NDEL1: variants seen among roughly 807,000 people sequenced by gnomAD.
NDEL1 encodes the protein nudE neurodevelopment protein 1 like 1, also known as nuclear distribution protein nudE-like 1.
Under a neutral mutation model 45.7 loss-of-function variants are expected in NDEL1, and 9 were observed. The observed-to-expected ratio is 0.20, with a 90% confidence interval of 0.12 to 0.34. The LOEUF is 0.34. Among genes scored for constraint, NDEL1 ranks in the 10% least tolerant of loss-of-function variants. The probability of loss-of-function intolerance (pLI) is 1.00; values close to 1 mark genes in which losing one functional copy is unlikely to be tolerated. For synonymous variants in NDEL1, 133 were observed against 158.6 expected (o/e 0.84, Z 1.21); for missense variants, 306 against 406.2 (o/e 0.75, Z 2.12).
At position 8,460,143 on chromosome 17, in the gene NDEL1, ATCTT is replaced by A; in HGVS notation, c.932_935del (p.Phe311SerfsTer6). On this transcript the variant is annotated frameshift_variant, in exon 8 of 9. Coordinates refer to ENST00000334527, the MANE Select transcript of NDEL1 (RefSeq NM_030808.5). LOFTEE classifies it high-confidence loss of function. ...CAAAGTTCTCTCGATCAGGGCATAC[ATCTT>A]TCTTCGACAAAGGGTAAGTCCTGAA... 1 of 1,612,898 alleles carries A rather than the reference ATCTT, an allele frequency of 6.2e-7. No homozygotes were observed. Among genetic ancestry groups the A allele is most frequent in the Non-Finnish European group, 8.5e-7 (1 of 1,179,630 alleles).
At chr17:8,458,783 G>T (rs936396753) in intron 7 of NDEL1, among the ~76,000 whole-genome samples, 2 of 152,176 alleles carry the variant, frequency 1.3e-5, no homozygotes, top group Admixed American at 6.5e-5. Context: ...CTGTAGTGCA[G>T]TGGTGCTATC....
chr17:8,444,959 A>C (rs1909987662), intron 2 of NDEL1: 1 of 152,228 alleles, frequency 6.6e-6, no homozygotes, highest in African/African-American at 2.4e-5. Context: ...AACAGAGTTT[A>C]CTAAGTCTTA....
upstream of NDEL1, chr17:8,432,308 T>G (rs998753600): frequency 1.5e-4 from 19 of 128,468 alleles, no homozygotes; most frequent in Non-Finnish European, 2.9e-4. Flanking sequence ...TAAAGAGATA[T>G]ATATATATAT....
chr17:8,447,453 G>A (rs1210395586), intron 4 of NDEL1, among the ~76,000 whole-genome samples: 1 of 152,090 alleles, frequency 6.6e-6, no homozygotes, highest in African/African-American at 2.4e-5. Context: ...TAGGTTTTGT[G>A]TATTTATTTA....
chr17:8,427,243 A>G (rs1908859291), intron 1 of NDEL1, among the ~76,000 whole-genome samples: 1 of 152,206 alleles, frequency 6.6e-6, no homozygotes, highest in African/African-American at 2.4e-5. Context: ...TTTGCTCCAG[A>G]AGCTAATGAG....
At chr17:8,436,163 C>A in intron 1 of NDEL1, 118 bp downstream of exon 1, 1 of 252,138 alleles carries the variant, frequency 4.0e-6, no homozygotes, top group South Asian at 3.4e-5. Flanking sequence ...CCGGGGCGGG[C>A]CGGGCCGGGT....
upstream of NDEL1, among the ~76,000 whole-genome samples, chr17:8,434,571 A>C (rs188008409): frequency 6.6e-6 from 1 of 152,080 alleles, no homozygotes; most frequent in Non-Finnish European, 1.5e-5. Flanking sequence ...TACCTTGTAC[A>C]TTATACAGCA....
intron 5 of NDEL1, among the ~76,000 whole-genome samples, chr17:8,449,107 C>T (rs1413547053): frequency 3.9e-5 from 6 of 152,164 alleles, no homozygotes; most frequent in African/African-American, 1.4e-4. Flanking sequence ...CTCAGCCTCT[C>T]GAGTAGCTGG....
intron 1 of NDEL1, among the ~76,000 whole-genome samples, chr17:8,425,716 T>TA (rs527827714): frequency 2.9e-4 from 44 of 152,216 alleles, no homozygotes; most frequent in African/African-American, 1.0e-3. Flanking sequence ...TGTAAAATAT[T>TA]AAAAAAACCT....
chr17:8,440,077 A>C (rs1227120132), intron 1 of NDEL1, among the ~76,000 whole-genome samples: 1 of 152,158 alleles, frequency 6.6e-6, no homozygotes, highest in East Asian at 1.9e-4. Context: ...AATTGTTTTG[A>C]TCTGGAAGAG....
upstream of NDEL1, chr17:8,432,316 TATTTATATATAAATATATATA>T (rs1467276642): frequency 2.4e-5 from 3 of 125,016 alleles, no homozygotes; most frequent in African/African-American, 8.4e-5. Context: ...TATATATATA[TATTTATATATAAATATATATA>T]TTATATATAA....
rs562892370 is a variant in NDEL1, at chr17:8,444,208, C to T, written c.-12-52C>T. 13 of 1,168,812 alleles carry T rather than the reference C, an allele frequency of 1.1e-5. No individual in the cohort carries two copies. The African/African-American group carries it at 1.4e-4, about 12-fold the overall frequency. 72.4% of individuals were successfully genotyped at this position (1,168,812 alleles called of 1,614,324 possible). A position where few individuals can be genotyped will look rare whatever the true frequency, so the allele number is the denominator to read the frequency against. ...TGTTGTCCCAGATTTTATGCTTGTG[C>T]TTAGATTTCTCTGTTCTCTAATTTG... On this transcript the variant is annotated intron_variant, in intron 1 of 8. Coordinates refer to ENST00000334527, the MANE Select transcript of NDEL1 (RefSeq NM_030808.5).
intron 3 of NDEL1, 138 bp downstream of exon 3, chr17:8,446,002 T>C: frequency 1.1e-6 from 1 of 899,066 alleles, no homozygotes. Flanking sequence ...TTGAATAAAA[T>C]GTTTTCTTTC....
intron 8 of NDEL1, 143 bp from the exon 9 acceptor site, chr17:8,466,787 C>T (rs1333543906): frequency 1.4e-6 from 1 of 732,394 alleles, no homozygotes; most frequent in African/African-American, 1.8e-5. Context: ...TCCAGGCAGC[C>T]AGTGCCCCTT....
At chr17:8,435,694 A>C (rs1314004778), upstream of NDEL1, among the ~76,000 whole-genome samples, 4 of 152,182 alleles carry the variant, frequency 2.6e-5, no homozygotes, top group Admixed American at 2.6e-4. Flanking sequence ...CCGGTCGCAG[A>C]GTCCAGGAGC....
chr17:8,413,202 G>C (rs1487095187), exon 1 of NDEL1: 2 of 152,398 alleles, frequency 1.3e-5, no homozygotes, highest in Non-Finnish European at 2.9e-5. Context: ...CTTTGTGTCA[G>C]CAAGTTCAGC....
rs943731797 is a variant in NDEL1 at position 8,459,388 on chromosome 17, A to G, written c.793-621A>G. The stretch of plus-strand genomic sequence containing the variant: ...GACAGGTGCAAAACAAGGGTGCCCA[A>G]TTTAGAGGTAAATGCTAAAAGGCCA... On this transcript the variant is annotated intron_variant, in intron 7 of 8. Coordinates refer to ENST00000334527, the MANE Select transcript of NDEL1 (RefSeq NM_030808.5). 4.1e-4 allele frequency among the ~76,000 whole-genome samples: 62 copies of G among 152,184 alleles called. 1 individual carries two copies. The highest frequency in any genetic ancestry group is 1.4e-3 in the African/African-American group (60 of 41,436).
chr17:8,447,199 G>A (rs1281375979), intron 4 of NDEL1, among the ~76,000 whole-genome samples: 1 of 152,220 alleles, frequency 6.6e-6, no homozygotes, highest in Non-Finnish European at 1.5e-5. Context: ...CTGGAGTGCA[G>A]TGGCATGATC....
chr17:8,459,623 A>C (rs1313410905), intron 7 of NDEL1, among the ~76,000 whole-genome samples: 1 of 152,122 alleles, frequency 6.6e-6, no homozygotes, highest in African/African-American at 2.4e-5. Context: ...TGGGTTTTTT[A>C]ATAGTGCTTG....
Sources: gnomAD v4.1 joint callset for allele counts (sites outside exome capture counted in the v4.1 genomes callset) on GRCh38, gnomAD v4.1.1 for gene constraint, MANE v1.5 for transcripts, NCBI Gene and HGNC (gene_info 2026-07-23, HGNC 2026-07-21) for gene names.